ZNF423: variants seen among roughly 807,000 people sequenced by gnomAD.
ZNF423 encodes Ebf-associated zinc finger protein.
ZNF423 carries 12 observed loss-of-function variants against 95.8 expected under a neutral mutation model. That is an observed-to-expected ratio of 0.13 (90% CI 0.08 to 0.20). ZNF423 has a LOEUF of 0.20. Ranked by LOEUF, ZNF423 falls within the 10% of genes least tolerant of loss-of-function variation. The pLI is 1.00. For missense variants in ZNF423, 1,316 were observed against 1,737.1 expected (o/e 0.76, Z 4.31); for synonymous variants, 749 against 711.9 (o/e 1.05, Z -0.83).
intron 2 of ZNF423, among the ~76,000 whole-genome samples, chr16:49,756,073 C>T (rs1000683215): frequency 6.6e-6 from 1 of 152,158 alleles, no homozygotes; most frequent in African/African-American, 2.4e-5. Flanking sequence ...AATAGGGAGC[C>T]ACTGGAGGTT....
intron 1 of ZNF423, among the ~76,000 whole-genome samples, chr16:49,821,235 A>G (rs1442870265): frequency 6.6e-6 from 1 of 151,472 alleles, no homozygotes; most frequent in Non-Finnish European, 1.5e-5. Flanking sequence ...AAAATATTCT[A>G]AGAAAACCCC....
intron 2 of ZNF423, among the ~76,000 whole-genome samples, chr16:49,768,268 G>A (rs866108969): frequency 3.3e-5 from 5 of 152,166 alleles, no homozygotes; most frequent in Middle Eastern, 6.8e-3. Flanking sequence ...ACCCCCGGAT[G>A]GGCCAGTCTG....
At chr16:49,558,958 A>G (rs1437177297) in intron 5 of ZNF423, among the ~76,000 whole-genome samples, 1 of 152,186 alleles carries the variant, frequency 6.6e-6, no homozygotes, top group Non-Finnish European at 1.5e-5. Flanking sequence ...GGGGTCTCAG[A>G]GGCAGGGATG....
chr16:49,514,880 T>C (rs1352212751), intron 7 of ZNF423, among the ~76,000 whole-genome samples: 1 of 152,214 alleles, frequency 6.6e-6, no homozygotes, highest in East Asian at 1.9e-4. Context: ...GACATGTGCA[T>C]GTGTGCGTGC....
chr16:49,716,547 A>G (rs1402201356), intron 3 of ZNF423, among the ~76,000 whole-genome samples: 1 of 152,220 alleles, frequency 6.6e-6, no homozygotes, highest in Non-Finnish European at 1.5e-5. Flanking sequence ...CACAAAATGA[A>G]GCATTTTATA....
intron 3 of ZNF423, among the ~76,000 whole-genome samples, chr16:49,639,163 C>A (rs547967981): frequency 3.3e-5 from 5 of 152,296 alleles, no homozygotes; most frequent in Non-Finnish European, 5.9e-5. Context: ...GGGAGGCTCT[C>A]GGCCACTTTC....
chr16:49,786,352 C>T (rs759791835), intron 2 of ZNF423, among the ~76,000 whole-genome samples: 4 of 152,220 alleles, frequency 2.6e-5, no homozygotes, highest in African/African-American at 4.8e-5. Context: ...ACACAAACTG[C>T]GCATTCTGCT....
intron 2 of ZNF423, among the ~76,000 whole-genome samples, chr16:49,754,684 G>A (rs906483140): frequency 3.3e-5 from 5 of 152,232 alleles, no homozygotes; most frequent in East Asian, 3.8e-4. Flanking sequence ...CGGAGAAGCC[G>A]CCTGCATTTC....
intron 3 of ZNF423, among the ~76,000 whole-genome samples, chr16:49,728,483 G>C (rs777847294): frequency 6.6e-6 from 1 of 152,222 alleles, no homozygotes; most frequent in Admixed American, 6.5e-5. Flanking sequence ...GTTAGGAAGC[G>C]GGCAGGAGTG....
chr16:49,794,189 C>T (rs935735564), intron 1 of ZNF423, among the ~76,000 whole-genome samples: 1 of 152,006 alleles, frequency 6.6e-6, no homozygotes, highest in African/African-American at 2.4e-5. Context: ...GCACATGCCA[C>T]CACGCCCGGT....
intron 5 of ZNF423, among the ~76,000 whole-genome samples, chr16:49,555,143 A>AT (rs1272726002): frequency 6.6e-6 from 1 of 152,140 alleles, no homozygotes; most frequent in Non-Finnish European, 1.5e-5. Context: ...AAAAACTAGG[A>AT]TTTTTCCCCC....
intron 3 of ZNF423, chr16:49,640,603 C>T (rs1235092220): frequency 2.0e-5 from 3 of 151,750 alleles, no homozygotes; most frequent in African/African-American, 4.9e-5. Context: ...CCCTGGCCCC[C>T]GCAGCGCTGA....
chr16:49,781,317 CG>C (rs1168883022), intron 2 of ZNF423, among the ~76,000 whole-genome samples: 1 of 152,128 alleles, frequency 6.6e-6, no homozygotes, highest in Non-Finnish European at 1.5e-5. Context: ...AGGGGAGAGG[CG>C]GAGAATAACA....
chr16:49,521,602 T>C (rs1968398516), intron 7 of ZNF423, among the ~76,000 whole-genome samples: 1 of 152,186 alleles, frequency 6.6e-6, no homozygotes, highest in Non-Finnish European at 1.5e-5. Flanking sequence ...AGCTCAGTGG[T>C]GGCCTTTTGG....
intron 2 of ZNF423, among the ~76,000 whole-genome samples, chr16:49,756,707 C>A (rs866350547): frequency 6.6e-6 from 1 of 152,298 alleles, no homozygotes; most frequent in Middle Eastern, 3.4e-3. Context: ...GAGGAGGTGG[C>A]AACCATCACC....
chr16:49,695,107 C>T (rs146022288), intron 3 of ZNF423, among the ~76,000 whole-genome samples: 6 of 152,174 alleles, frequency 3.9e-5, no homozygotes, highest in African/African-American at 9.6e-5. Context: ...AGCAACCTTA[C>T]AGGTTTTGGT....
At chr16:49,701,715 G>A (rs2032189232) in intron 3 of ZNF423, among the ~76,000 whole-genome samples, 1 of 152,166 alleles carries the variant, frequency 6.6e-6, no homozygotes, top group Non-Finnish European at 1.5e-5. Flanking sequence ...ATATCAAAGT[G>A]AGATTTAAAA....
chr16:49,812,740 A>G (rs2034773785), intron 1 of ZNF423, among the ~76,000 whole-genome samples: 2 of 152,178 alleles, frequency 1.3e-5, no homozygotes, highest in Admixed American at 1.3e-4. Flanking sequence ...GCTGATTTGG[A>G]ATCATTTCTC....
chr16:49,523,791 C>G (rs527336255), intron 6 of ZNF423, 52 bp from the exon 7 acceptor site: 12 of 1,480,712 alleles, frequency 8.1e-6, no homozygotes, highest in Non-Finnish European at 1.0e-5. Context: ...AGCCCAGCCT[C>G]CTGTGGCAGC....
Sources: allele counts gnomAD v4.1 joint callset (sites outside exome capture counted in the v4.1 genomes callset), GRCh38; gene constraint gnomAD v4.1.1; transcripts MANE v1.5; gene names NCBI Gene and HGNC (gene_info 2026-07-23, HGNC 2026-07-21).